Variants in ST6GAL1 observed in about 807,000 individuals in gnomAD.
The protein encoded by ST6GAL1 is ST6 beta-galactoside alpha-2,6-sialyltransferase 1.
ST6GAL1 carries 20 observed loss-of-function variants against 38.0 expected under a neutral mutation model. The observed-to-expected ratio is 0.53, with a 90% CI of 0.37 to 0.77. The LOEUF is 0.77. Among genes scored for constraint, ST6GAL1 ranks in the 30% least tolerant of loss-of-function variants. ST6GAL1 has a pLI of 0.00. For missense variants in ST6GAL1, 432 were observed against 496.4 expected, an observed-to-expected ratio of 0.87 and a Z score of 1.23; for synonymous variants, 196 against 188.2, an observed-to-expected ratio of 1.04 and a Z score of -0.34.
At chr3:187,028,400 G>T (rs902060987) in intron 2 of ST6GAL1, among the ~76,000 whole-genome samples, 1 of 152,100 alleles carries the variant, frequency 6.6e-6, no homozygotes, top group African/African-American at 2.4e-5. Flanking sequence ...AAGAAGAAAG[G>T]AGTTTGAAAA....
At chr3:186,950,626 A>G (rs1006363852) in intron 1 of ST6GAL1, among the ~76,000 whole-genome samples, 3 of 152,364 alleles carry the variant, frequency 2.0e-5, no homozygotes, top group East Asian at 3.9e-4. Flanking sequence ...AAATTCAGAC[A>G]GCAGGTAGGT....
chr3:187,057,147 C>T (rs548340492), intron 5 of ST6GAL1, among the ~76,000 whole-genome samples: 1 of 152,312 alleles, frequency 6.6e-6, no homozygotes, highest in Non-Finnish European at 1.5e-5. Flanking sequence ...TGGTTTTCAG[C>T]TCCATCAGGT....
intron 2 of ST6GAL1, among the ~76,000 whole-genome samples, chr3:187,033,998 T>C (rs1231942685): frequency 1.3e-5 from 2 of 152,122 alleles, no homozygotes; most frequent in East Asian, 3.8e-4. Context: ...ATAAACAAGT[T>C]TGGTAAACCA....
intron 2 of ST6GAL1, among the ~76,000 whole-genome samples, chr3:187,018,483 C>A (rs1717191127): frequency 6.6e-6 from 1 of 152,138 alleles, no homozygotes; most frequent in African/African-American, 2.4e-5. Context: ...AGCAGGAAAG[C>A]CAGTCCGAGT....
Position 187,042,787 on chromosome 3 carries a change from AAAG to A in ST6GAL1, c.90_92del (p.Lys31del), listed in dbSNP as rs773647147. 3 of 1,614,092 alleles carry A rather than the reference AAAG, an allele frequency of 1.9e-6. No homozygotes were observed. The highest frequency in any genetic ancestry group is 2.5e-6 in the Non-Finnish European group (3 of 1,180,040). Reference sequence around the variant, plus strand: ...TTGCAGTCATCTGTGTGTGGAAGGAAAAGAAGAAAGGGAGTTACTATGATTCCT... The same window carrying A: ...TTGCAGTCATCTGTGTGTGGAAGGAAAAGAAAGGGAGTTACTATGATTCCT... On this transcript the variant is annotated inframe_deletion, in exon 4 of 8. Transcript: ENST00000169298.
At chr3:186,933,313 G>T (rs1161277447) in intron 1 of ST6GAL1, among the ~76,000 whole-genome samples, 1 of 152,170 alleles carries the variant, frequency 6.6e-6, no homozygotes, top group African/African-American at 2.4e-5. Flanking sequence ...CCGTCTTCAG[G>T]TAGGGGACCA....
chr3:187,048,880 A>ATTTTTTTTTTTTTTTTTTTTTTTTTT (rs374148828), intron 4 of ST6GAL1, among the ~76,000 whole-genome samples: 6 of 115,450 alleles, frequency 5.2e-5, no homozygotes, highest in African/African-American at 1.9e-4. Context: ...GAGAAATTGA[A>ATTTTTTTTTTTTTTTTTTTTTTTTTT]TTTTTTTTTT....
At chr3:187,015,296 C>A (rs1450033526) in intron 2 of ST6GAL1, among the ~76,000 whole-genome samples, 1 of 152,178 alleles carries the variant, frequency 6.6e-6, no homozygotes, top group African/African-American at 2.4e-5. Context: ...CGGAGTTATT[C>A]TCAAAAGTAA....
chr3:187,005,102 G>C, intron 2 of ST6GAL1, among the ~76,000 whole-genome samples: 1 of 151,132 alleles, frequency 6.6e-6, no homozygotes, highest in Non-Finnish European at 1.5e-5. Context: ...TTTATATATT[G>C]AAACATTTAT....
chr3:187,076,910 G>T lies in ST6GAL1; in HGVS notation c.*1107G>T, dbSNP rs566302221. On this transcript the variant is annotated 3_prime_UTR_variant, in exon 8 of 8. Coordinates refer to ENST00000169298, the MANE Select transcript of ST6GAL1 (RefSeq NM_173216.2). ...GGCCTGACCCTGTCCTGTCAGCTGGGTTTACATACCAGTCCCATTCTTCCT... is the reference window on the plus strand; with the variant it reads ...GGCCTGACCCTGTCCTGTCAGCTGGTTTTACATACCAGTCCCATTCTTCCT... 1 of 398,326 alleles carries T rather than the reference G, an allele frequency of 2.5e-6. No homozygotes were observed. The highest frequency in any genetic ancestry group is 2.1e-5 in the African/African-American group (1 of 48,356). The allele number at this position is 398,326 out of a possible 1,614,324, so 24.7% of individuals were successfully genotyped here.
chr3:186,984,725 C>CCCTTCCTTCCTTCCTTCCTTCCTT (rs1246224765), intron 2 of ST6GAL1, among the ~76,000 whole-genome samples: 1 of 136,810 alleles, frequency 7.3e-6, no homozygotes, highest in African/African-American at 2.7e-5. Flanking sequence ...TTCCCTTCCT[C>CCCTTCCTTCCTTCCTTCCTTCCTT]CCTTCCTTCC....
intron 5 of ST6GAL1, among the ~76,000 whole-genome samples, chr3:187,057,302 C>A (rs891990591): frequency 2.6e-5 from 4 of 152,226 alleles, no homozygotes; most frequent in Non-Finnish European, 5.9e-5. Context: ...AAGCCTACTT[C>A]TGTCAGCTCG....
chr3:186,971,839 A>G (rs1460548200), intron 2 of ST6GAL1, among the ~76,000 whole-genome samples: 1 of 152,178 alleles, frequency 6.6e-6, no homozygotes, highest in Non-Finnish European at 1.5e-5. Flanking sequence ...GCCTAGTTGA[A>G]GAAACCTCTA....
intron 2 of ST6GAL1, among the ~76,000 whole-genome samples, chr3:187,005,031 CAATAAG>C (rs1716735696): frequency 6.6e-6 from 1 of 151,626 alleles, no homozygotes; most frequent in Non-Finnish European, 1.5e-5. Context: ...CTGCCACCAT[CAATAAG>C]AAGTACATTT....
At chr3:186,994,957 A>AT (rs1389976114) in intron 2 of ST6GAL1, among the ~76,000 whole-genome samples, 1 of 152,068 alleles carries the variant, frequency 6.6e-6, no homozygotes, top group African/African-American at 2.4e-5. Flanking sequence ...ACAAAAAAAA[A>AT]AGAGACCCTT....
intron 1 of ST6GAL1, among the ~76,000 whole-genome samples, chr3:186,933,457 C>T (rs1040534368): frequency 3.9e-5 from 6 of 152,014 alleles, no homozygotes; most frequent in South Asian, 2.1e-4. Context: ...CCACCGAACG[C>T]GGGTACAAGC....
intron 2 of ST6GAL1, among the ~76,000 whole-genome samples, chr3:187,016,029 C>G (rs1328442083): frequency 6.6e-6 from 1 of 152,164 alleles, no homozygotes; most frequent in South Asian, 2.1e-4. Flanking sequence ...AATGAGCTGT[C>G]GGATGTCCAG....
At chr3:187,057,811 C>T (rs1718763747) in intron 5 of ST6GAL1, among the ~76,000 whole-genome samples, 1 of 152,156 alleles carries the variant, frequency 6.6e-6, no homozygotes, top group Non-Finnish European at 1.5e-5. Context: ...GCTGGGAGAA[C>T]CACTGCTCTC....
At chr3:187,043,348 T>C (rs1718193656) in intron 4 of ST6GAL1, 38 bp downstream of exon 4, 1 of 1,585,644 alleles carries the variant, frequency 6.3e-7, no homozygotes, top group Middle Eastern at 2.2e-4. Flanking sequence ...GCAGTGCTTA[T>C]TGGGACTGGC....
Sources: gnomAD v4.1 joint callset for allele counts (sites outside exome capture counted in the v4.1 genomes callset) on GRCh38, gnomAD v4.1.1 for gene constraint, MANE v1.5 for transcripts, NCBI Gene and HGNC (gene_info 2026-07-23, HGNC 2026-07-21) for gene names.